Variants in CSMD1 observed in about 807,000 individuals in gnomAD.
CSMD1 encodes CUB and Sushi multiple domains 1.
In CSMD1, 213 loss-of-function variants were observed where a neutral mutation model predicts 417.5. That is an observed-to-expected ratio of 0.51 (90% confidence interval 0.46 to 0.57). The LOEUF (loss-of-function observed/expected upper bound fraction) is 0.57. Ranked by LOEUF, CSMD1 falls within the 20% of genes least tolerant of loss-of-function variation. The probability of loss-of-function intolerance (pLI) is 0.00; values close to 1 mark genes in which losing one functional copy is unlikely to be tolerated. For missense variants in CSMD1, 6,923 were observed against 4,529.7 expected, an observed-to-expected ratio of 1.53 and a Z score of -15.17; for synonymous variants, 2,862 against 1,736.8, an observed-to-expected ratio of 1.65 and a Z score of -16.11.
intron 5 of CSMD1, among the ~76,000 whole-genome samples, chr8:3,892,676 G>T (rs897083004): frequency 2.0e-5 from 3 of 150,508 alleles, no homozygotes; most frequent in Admixed American, 6.6e-5. Flanking sequence ...TGGGTTCAAG[G>T]TGAATTAAGT....
chr8:3,321,712 T>C (rs1004949918), intron 23 of CSMD1, among the ~76,000 whole-genome samples: 1 of 152,210 alleles, frequency 6.6e-6, no homozygotes, highest in African/African-American at 2.4e-5. Context: ...GTGCTTTTGA[T>C]TCAAATAAAG....
chr8:4,907,984 C>A (rs902070892), intron 1 of CSMD1, among the ~76,000 whole-genome samples: 1 of 152,140 alleles, frequency 6.6e-6, no homozygotes, highest in African/African-American at 2.4e-5. Flanking sequence ...CATAGATATT[C>A]TAATACACCA....
intron 5 of CSMD1, among the ~76,000 whole-genome samples, chr8:3,853,890 TATACTTTAA>T (rs1804098260): frequency 6.9e-6 from 1 of 144,896 alleles, no homozygotes; most frequent in South Asian, 2.1e-4. Flanking sequence ...ATTAATATAT[TATACTTTAA>T]TATATTAATA....
At chr8:4,407,666 G>A (rs575855956) in intron 3 of CSMD1, among the ~76,000 whole-genome samples, 1 of 152,238 alleles carries the variant, frequency 6.6e-6, no homozygotes, top group Non-Finnish European at 1.5e-5. Context: ...TTGTCTTTGT[G>A]AACTTCATAC....
At chr8:3,478,450 G>A (rs1053014486) in intron 11 of CSMD1, among the ~76,000 whole-genome samples, 30 of 152,106 alleles carry the variant, frequency 2.0e-4, no homozygotes, top group Admixed American at 7.9e-4. Context: ...CCCCCTCTGT[G>A]TAAAACACAA....
chr8:3,872,498 GTGCCTGAACTAGGTAA>G (rs753861988), intron 5 of CSMD1, among the ~76,000 whole-genome samples: 1 of 152,158 alleles, frequency 6.6e-6, no homozygotes, highest in Non-Finnish European at 1.5e-5. Context: ...GTGCTCCCTG[GTGCCTGAACTAGGTAA>G]TGTTCTGCCA....
chr8:3,002,686 G>C (rs1440095375), intron 52 of CSMD1, among the ~76,000 whole-genome samples: 1 of 152,190 alleles, frequency 6.6e-6, no homozygotes, highest in Non-Finnish European at 1.5e-5. Flanking sequence ...TGAGTTTTTT[G>C]TAAGTGCACA....
intron 3 of CSMD1, among the ~76,000 whole-genome samples, chr8:4,056,533 T>TTTATTA (rs1554430824): frequency 6.6e-6 from 1 of 151,456 alleles, no homozygotes; most frequent in Non-Finnish European, 1.5e-5. Flanking sequence ...TAATTTCAAT[T>TTTATTA]TTATTATTAT....
chr8:4,042,098 G>A (rs565023717), intron 3 of CSMD1, among the ~76,000 whole-genome samples: 1 of 151,844 alleles, frequency 6.6e-6, no homozygotes, highest in Admixed American at 6.6e-5. Context: ...CACAAAGAGG[G>A]ACAGAAAAAA....
At chr8:3,114,065 A>T (rs1449177284) in intron 42 of CSMD1, among the ~76,000 whole-genome samples, 1 of 151,884 alleles carries the variant, frequency 6.6e-6, no homozygotes, top group African/African-American at 2.4e-5. Flanking sequence ...AAACAAACAA[A>T]CAAACAAACA....
chr8:4,041,722 T>C (rs889962846), intron 3 of CSMD1, among the ~76,000 whole-genome samples: 1 of 152,150 alleles, frequency 6.6e-6, no homozygotes, highest in African/African-American at 2.4e-5. Flanking sequence ...AAACTGTTAT[T>C]AGAACTGTAT....
intron 26 of CSMD1, among the ~76,000 whole-genome samples, chr8:3,246,219 A>C (rs73185548): frequency 0.089 from 13,507 of 152,138 alleles, 774 homozygotes; most frequent in Non-Finnish European, 0.13. Context: ...CCTGCCTGCC[A>C]CACATCCACT....
At chr8:4,915,780 G>C (rs1806023673) in intron 1 of CSMD1, among the ~76,000 whole-genome samples, 1 of 152,242 alleles carries the variant, frequency 6.6e-6, no homozygotes. Context: ...ACTTTTAGCA[G>C]AGACACTTGA....
intron 3 of CSMD1, among the ~76,000 whole-genome samples, chr8:4,143,448 T>C (rs1029768202): frequency 6.6e-6 from 1 of 150,864 alleles, no homozygotes; most frequent in African/African-American, 2.5e-5. Flanking sequence ...TTTGGTAAAT[T>C]TGTTTTATTA....
At chr8:4,757,423 G>T (rs1323335462) in intron 1 of CSMD1, among the ~76,000 whole-genome samples, 1 of 152,066 alleles carries the variant, frequency 6.6e-6, no homozygotes, top group Non-Finnish European at 1.5e-5. Flanking sequence ...CACCAATTAT[G>T]AGCTGTGATC....
chr8:3,586,720 A>G (rs1335629390), intron 8 of CSMD1, among the ~76,000 whole-genome samples: 1 of 152,180 alleles, frequency 6.6e-6, no homozygotes. Flanking sequence ...GCTATCACAC[A>G]TGTTAATTAT....
intron 68 of CSMD1, among the ~76,000 whole-genome samples, chr8:2,948,301 A>G (rs1435425779): frequency 6.6e-6 from 1 of 152,026 alleles, no homozygotes; most frequent in Non-Finnish European, 1.5e-5. Context: ...GAGATTTAAG[A>G]TGAAGAAATA....
intron 1 of CSMD1, among the ~76,000 whole-genome samples, chr8:4,970,110 T>G (rs550717320): frequency 6.6e-6 from 1 of 151,952 alleles, no homozygotes; most frequent in African/African-American, 2.4e-5. Context: ...ATAAAGTAAT[T>G]GTATGTAAAA....
chr8:4,224,181 A>C (rs1801208662), intron 3 of CSMD1, among the ~76,000 whole-genome samples: 1 of 152,160 alleles, frequency 6.6e-6, no homozygotes, highest in Admixed American at 6.5e-5. Flanking sequence ...ACTATAGACA[A>C]GTGAAAGTTA....
Sources: allele counts gnomAD v4.1 joint callset (sites outside exome capture counted in the v4.1 genomes callset), GRCh38; gene constraint gnomAD v4.1.1; transcripts MANE v1.5; gene names NCBI Gene and HGNC (gene_info 2026-07-23, HGNC 2026-07-21).